ENGASE: variants seen among roughly 807,000 people sequenced by gnomAD.
ENGASE encodes endo-beta-N-acetylglucosaminidase, also known as cytosolic endo-beta-N-acetylglucosaminidase.
Under a neutral mutation model 78.5 loss-of-function variants are expected in ENGASE, and 69 were observed. That is an observed-to-expected ratio of 0.88 (90% confidence interval 0.72 to 1.07). The LOEUF (loss-of-function observed/expected upper bound fraction) is 1.07. Ranked by LOEUF, ENGASE falls within the 50% of genes least tolerant of loss-of-function variation. The pLI is 0.00. For missense variants in ENGASE, 943 were observed against 988.4 expected (o/e 0.95, Z 0.62); for synonymous variants, 408 against 408.9 (o/e 1.00, Z 0.03).
In ENGASE at chr17:79,085,741, C is replaced by T. The variant is rs776299831; in HGVS notation, c.1815+7C>T. On this transcript the variant is annotated splice_region_variant and intron_variant, in intron 13 of 13. Transcript: ENST00000579016. ...TCGGCTTGGAGAGATCCAGGTGATGCTTCCCAGAGGGGCTCGGGCTGGGCT... is the reference window on the plus strand; with the variant it reads ...TCGGCTTGGAGAGATCCAGGTGATGTTTCCCAGAGGGGCTCGGGCTGGGCT... 1 of 1,613,044 alleles carries T rather than the reference C, an allele frequency of 6.2e-7. No homozygotes were observed. The highest frequency in any genetic ancestry group is 8.5e-7 in the Non-Finnish European group (1 of 1,179,714).
chr17:79,081,783 G>GGGTGGGGTGC, intron 6 of ENGASE, 115 bp from the exon 7 acceptor site: 1 of 1,352,662 alleles, frequency 7.4e-7, no homozygotes, highest in South Asian at 1.4e-5. Context: ...GGGTGGGGTG[G>GGGTGGGGTGC]GGTGGGCCCA....
Position 79,080,971 on chromosome 17 carries a change from C to G in ENGASE, c.770C>G (p.Thr257Arg). 1.2e-6 allele frequency: 2 copies of G among 1,613,526 alleles called. No homozygotes were observed. Among genetic ancestry groups the G allele is most frequent in the Non-Finnish European group, 1.7e-6 (2 of 1,179,972 alleles). ...NMPPFLRYLT[T>R]QLHRQVPGGL... ...CCTCCTTTCCTGCGGTACCTCACCACACAGCTGCACCGGCAGGTCCCAGGG... is the reference window on the plus strand; with the variant it reads ...CCTCCTTTCCTGCGGTACCTCACCAGACAGCTGCACCGGCAGGTCCCAGGG... Residue 257 changes from threonine to arginine, a missense_variant, in exon 6 of 14, where the codon ACA becomes AGA. Physicochemically the swap from Thr to Arg is moderately conservative, Grantham distance 71. Transcript: ENST00000579016.
rs1311497439 is a variant in ENGASE at position 79,084,662 on chromosome 17, A to C, written c.1567A>C (p.Ile523Leu). The change falls in exon 11 of 14, where the codon ATC becomes CTC. Residue 523 changes from isoleucine to leucine, a missense_variant. By Grantham distance (5) the Ile-to-Leu change is conservative. Coordinates refer to ENST00000579016, the MANE Select transcript of ENGASE (RefSeq NM_001042573.3). ...LTTGDAGSCH[I>L]GGISVLNAET... is the part of the protein sequence containing the mutation. Reference sequence around the variant, plus strand: ...CACAGGGGATGCCGGCAGCTGCCACATCGGTGGCATCTCAGTGTTGAACGG... The same window carrying C: ...CACAGGGGATGCCGGCAGCTGCCACCTCGGTGGCATCTCAGTGTTGAACGG... The C allele has an allele frequency of 6.2e-7, 1 of 1,611,490 alleles. No homozygotes were observed. The highest frequency in any genetic ancestry group is 8.5e-7 in the Non-Finnish European group (1 of 1,179,136).
chr17:79,075,650 G>A, intron 1 of ENGASE: 1 of 978,540 alleles, frequency 1.0e-6, no homozygotes, highest in Non-Finnish European at 1.2e-6. Context: ...CCTTTGGGGG[G>A]CACTTGCCCA....
chr17:79,075,272 C>T (rs1415790246), intron 1 of ENGASE, among the ~76,000 whole-genome samples, 182 bp downstream of exon 1: 1 of 152,202 alleles, frequency 6.6e-6, no homozygotes, highest in South Asian at 2.1e-4. Context: ...CCGCCGTCCT[C>T]GCGCCACTGC....
intron 3 of ENGASE, among the ~76,000 whole-genome samples, chr17:79,079,127 C>T (rs1166597259): frequency 2.6e-5 from 4 of 152,162 alleles, no homozygotes; most frequent in Non-Finnish European, 4.4e-5. Flanking sequence ...CTGCGGTCTC[C>T]GTGTCCTTAT....
At chr17:79,077,146 C>T (rs1461512012) in intron 1 of ENGASE, among the ~76,000 whole-genome samples, 1 of 152,210 alleles carries the variant, frequency 6.6e-6, no homozygotes, top group Non-Finnish European at 1.5e-5. Flanking sequence ...GTTGGGATTA[C>T]AGGCGTGAAC....
chr17:79,085,936 G>T lies in ENGASE; in HGVS notation c.1819G>T (p.Val607Leu), dbSNP rs998122922. ...GCTGAGCCTTCTCTCCTGCCAGGTG[G>T]TGGACGCTGCCAGCCTGCTGGCCCC... ...FTCRLGEIQVVDAASLLAPLP... is the reference protein window; with the variant it reads ...FTCRLGEIQVLDAASLLAPLP... The change falls in exon 14 of 14, where the codon GTG becomes TTG. Residue 607 changes from valine (V) to leucine (L), a missense_variant. By Grantham distance (32) the Val-to-Leu change is conservative (BLOSUM62 1). Coordinates refer to ENST00000579016, the MANE Select transcript of ENGASE (RefSeq NM_001042573.3). 1.6e-5 allele frequency: 25 copies of T among 1,594,812 alleles called. No individual in the cohort carries two copies. The highest frequency in any genetic ancestry group is 1.7e-4 in the Middle Eastern group (1 of 5,944).
At chr17:79,079,080 G>A (rs548768688) in intron 3 of ENGASE, among the ~76,000 whole-genome samples, 58 of 152,322 alleles carry the variant, frequency 3.8e-4, no homozygotes, top group African/African-American at 1.4e-3. Flanking sequence ...AGGGAGTCTT[G>A]ACTGAATGGA....
rs2073298711 is a variant in ENGASE, at chr17:79,086,118, A to G, written c.2001A>G (p.Gly667=). The G allele has an allele frequency of 1.2e-6, 2 of 1,613,658 alleles. No individual in the cohort carries two copies. The highest frequency in any genetic ancestry group is 1.7e-6 in the Non-Finnish European group (2 of 1,180,020). The change falls in exon 14 of 14, where the codon GGA becomes GGG. Residue 667 remains glycine (G), a synonymous_variant. Coordinates refer to ENST00000579016, the MANE Select transcript of ENGASE (RefSeq NM_001042573.3). ...QVRCFRIHCW[G]GMSDDSPGRE... ...GTTGCTTCCGAATCCACTGCTGGGGAGGGATGAGTGATGACTCTCCGGGCA... is the reference window on the plus strand; with the variant it reads ...GTTGCTTCCGAATCCACTGCTGGGGGGGGATGAGTGATGACTCTCCGGGCA...
At position 79,079,632 on chromosome 17, in the gene ENGASE, T is replaced by A. The variant is rs531430835; in HGVS notation, c.560T>A (p.Val187Glu). Residue 187 changes from valine to glutamate, a missense_variant, in exon 4 of 14, where the codon GTG (valine) becomes GAG (glutamate). Physicochemically the swap from Val to Glu is moderately radical, Grantham distance 121. Coordinates refer to ENST00000579016, the MANE Select transcript of ENGASE (RefSeq NM_001042573.3). ...TNTAHRHGVC[V>E]LGTFITEWNE... ...ACTGCCCACAGGCATGGGGTCTGCG[T>A]GCTGGGTAAGAGCCAAGGACTCACC... The A allele has an allele frequency of 3.7e-6, 6 of 1,612,976 alleles. No individual in the cohort carries two copies. The Admixed American group carries it at 1.0e-4, about 27-fold the overall frequency.
rs1425022315 is a variant in ENGASE, at chr17:79,074,925, C to A, written c.-20C>A. On this transcript the variant is annotated 5_prime_UTR_variant, in exon 1 of 14. Transcript: ENST00000579016. ...CGGGCCCGGGCCTGCGATTGCCTCTCGGCGTGCGCGGACAGTGTCATGGAG... is the reference window on the plus strand; with the variant it reads ...CGGGCCCGGGCCTGCGATTGCCTCTAGGCGTGCGCGGACAGTGTCATGGAG... The A allele has an allele frequency of 7.9e-7, 1 of 1,259,540 alleles. No individual in the cohort carries two copies. Among genetic ancestry groups the A allele is most frequent in the Non-Finnish European group, 1.0e-6 (1 of 1,001,768 alleles). 78.0% of individuals were successfully genotyped at this position (1,259,540 alleles called of 1,614,324 possible). A position where few individuals can be genotyped will look rare whatever the true frequency, so the allele number is the denominator to read the frequency against.
At chr17:79,079,763 C>T in intron 4 of ENGASE, 126 bp downstream of exon 4, 2 of 1,272,990 alleles carry the variant, frequency 1.6e-6, no homozygotes, top group Non-Finnish European at 2.1e-6. Context: ...TGGGGGCCGC[C>T]TTGGTCGGCT....
In ENGASE at chr17:79,083,318, C is replaced by A; in HGVS notation, c.1143-164C>A. On this transcript the variant is annotated intron_variant, in intron 8 of 13. Transcript: ENST00000579016. The surrounding 1 kb of genome is among the most constrained non-coding windows in gnomAD (Gnocchi z 4.9). ...AAACCCAGCGGCCGCTTCCTGCAGA[C>A]TCGTGTTTGCAGCGTATCTGTAGAC... 1 of 696,416 alleles carries A rather than the reference C, an allele frequency of 1.4e-6. No homozygotes were observed. Among genetic ancestry groups the A allele is most frequent in the Non-Finnish European group, 2.4e-6 (1 of 412,826 alleles). The allele number at this position is 696,416 out of a possible 1,614,324, so 43.1% of individuals were successfully genotyped here.
chr17:79,078,608 C>G (rs2073028421), intron 3 of ENGASE, among the ~76,000 whole-genome samples: 2 of 152,198 alleles, frequency 1.3e-5, no homozygotes, highest in African/African-American at 4.8e-5. Context: ...TGTTACATGC[C>G]CCACCCACCC....
chr17:79,075,611 G>A (rs2072950063), intron 1 of ENGASE: 1 of 819,072 alleles, frequency 1.2e-6, no homozygotes, highest in South Asian at 5.6e-5. Context: ...AGAAAGGGAC[G>A]AACATGCCCC....
At chr17:79,081,146 G>A (rs552537922) in intron 6 of ENGASE, 73 bp downstream of exon 6, 14 of 1,314,004 alleles carry the variant, frequency 1.1e-5, no homozygotes, top group African/African-American at 1.5e-5. Context: ...GGTGGGTGCC[G>A]CAAGGGGCGG....
Position 79,078,534 on chromosome 17 carries a change from A to G in ENGASE, c.416+670A>G, listed in dbSNP as rs146916845. Among the ~76,000 whole-genome samples the G allele has an allele frequency of 2.8e-4, 42 of 152,210 alleles. No homozygotes were observed. The East Asian group carries it at 7.7e-3, about 28-fold the overall frequency. On this transcript the variant is annotated intron_variant, in intron 3 of 13. Transcript: ENST00000579016. ...CCCCTCACGTGGTTTGGTGTTCGTC[A>G]CCTTCTTCCCTTAAGCTCTGATCCT...
Position 79,087,215 on chromosome 17 carries a change from C to A in ENGASE, c.*866C>A. 1 of 362,944 alleles carries A rather than the reference C, an allele frequency of 2.8e-6. No homozygotes were observed. Among genetic ancestry groups the A allele is most frequent in the South Asian group, 2.0e-5 (1 of 50,274 alleles). The allele number at this position is 362,944 out of a possible 1,614,324, so 22.5% of individuals were successfully genotyped here. A position where few individuals can be genotyped will look rare whatever the true frequency, so the allele number is the denominator to read the frequency against. Reference sequence around the variant, plus strand: ...CCAGGCAGGAAGCAGCACCTGCCCCCCGCGCCAGCCCAGCCCCAGCCTGAG... The same window carrying A: ...CCAGGCAGGAAGCAGCACCTGCCCCACGCGCCAGCCCAGCCCCAGCCTGAG... On this transcript the variant is annotated 3_prime_UTR_variant, in exon 14 of 14. Coordinates refer to ENST00000579016, the MANE Select transcript of ENGASE (RefSeq NM_001042573.3).
Sources: allele counts gnomAD v4.1 joint callset (sites outside exome capture counted in the v4.1 genomes callset), GRCh38; gene constraint gnomAD v4.1.1; non-coding constraint Gnocchi (gnomAD v3.1); transcripts MANE v1.5; gene names NCBI Gene and HGNC (gene_info 2026-07-23, HGNC 2026-07-21).